The following SAMMSON variants were observed in gnomAD, a reference collection of about 807,000 sequenced individuals.
SAMMSON encodes the protein survival associated mitochondrial melanoma specific oncogenic non-coding RNA, also known as long intergenic non-protein coding RNA 1212.
At chr3:70,344,340 G>A (rs805471) in intron 7 of SAMMSON, among the ~76,000 whole-genome samples, 9,598 of 152,148 alleles carry the variant, frequency 0.063, 395 homozygotes, top group Non-Finnish European at 0.083. Context: ...AACACCAAGA[G>A]GAGTTTGGCT....
intron 9 of SAMMSON, among the ~76,000 whole-genome samples, chr3:70,387,973 T>TG (rs57573443): frequency 0.47 from 71,188 of 151,930 alleles, 17,201 homozygotes; most frequent in East Asian, 0.77. Context: ...AGCCTATTTT[T>TG]TTTGGTTTGT....
At chr3:70,178,314 C>G (rs1035206062) in intron 4 of SAMMSON, among the ~76,000 whole-genome samples, 1 of 152,194 alleles carries the variant, frequency 6.6e-6, no homozygotes, top group Non-Finnish European at 1.5e-5. Flanking sequence ...AGACAGCCCT[C>G]TTCCTGGAAT....
At chr3:70,161,155 A>C (rs934974943) in intron 4 of SAMMSON, among the ~76,000 whole-genome samples, 53 of 151,916 alleles carry the variant, frequency 3.5e-4, no homozygotes, top group Admixed American at 2.0e-4. Context: ...TTTCTTTTGT[A>C]TGCCTTTCAT....
At chr3:70,186,726 C>T (rs1701094886) in intron 4 of SAMMSON, among the ~76,000 whole-genome samples, 1 of 152,140 alleles carries the variant, frequency 6.6e-6, no homozygotes, top group East Asian at 1.9e-4. Context: ...TGATGGGAAA[C>T]AAATATCACT....
intron 9 of SAMMSON, among the ~76,000 whole-genome samples, chr3:70,383,829 A>T (rs569068469): frequency 6.6e-6 from 1 of 152,170 alleles, no homozygotes; most frequent in Admixed American, 6.6e-5. Flanking sequence ...ACTTTGCTAC[A>T]AGTTACAACG....
exon 2 of SAMMSON, chr3:70,012,575 A>G (rs1448033486): frequency 6.6e-6 from 1 of 152,190 alleles, no homozygotes; most frequent in Admixed American, 6.5e-5. Context: ...ACCCACTGTA[A>G]TGTCTGACCT....
intron 6 of SAMMSON, among the ~76,000 whole-genome samples, chr3:70,278,221 G>A (rs948526104): frequency 2.0e-5 from 3 of 151,998 alleles, no homozygotes; most frequent in African/African-American, 4.8e-5. Context: ...TTTGTCCAAC[G>A]TTTTGTCTGA....
intron 4 of SAMMSON, among the ~76,000 whole-genome samples, chr3:70,130,292 G>T (rs2106673566): frequency 6.6e-6 from 1 of 152,300 alleles, no homozygotes; most frequent in South Asian, 2.1e-4. Context: ...TGAGGTGATT[G>T]TGGCGACAAG....
intron 4 of SAMMSON, among the ~76,000 whole-genome samples, chr3:70,140,863 C>G (rs990739713): frequency 6.6e-6 from 1 of 152,100 alleles, no homozygotes; most frequent in African/African-American, 2.4e-5. Flanking sequence ...ATCAGAATAG[C>G]CTTTATTGTC....
At chr3:70,210,212 T>TGTAAGTGG (rs1473359436) in intron 4 of SAMMSON, among the ~76,000 whole-genome samples, 2 of 152,150 alleles carry the variant, frequency 1.3e-5, no homozygotes, top group African/African-American at 4.8e-5. Flanking sequence ...GCATTTTGAA[T>TGTAAGTGG]GTAAGTGGTG....
chr3:70,391,199 A>C (rs908853855), downstream of SAMMSON, among the ~76,000 whole-genome samples: 1 of 152,184 alleles, frequency 6.6e-6, no homozygotes, highest in Non-Finnish European at 1.5e-5. Flanking sequence ...TCTGAAAACT[A>C]GTTTAGAAAA....
intron 3 of SAMMSON, among the ~76,000 whole-genome samples, chr3:70,071,301 G>C (rs1423317763): frequency 6.6e-6 from 1 of 152,066 alleles, no homozygotes; most frequent in African/African-American, 2.4e-5. Context: ...ACACATTAGA[G>C]AGGAAATTGG....
chr3:70,059,463 C>A (rs1212634875), intron 3 of SAMMSON, among the ~76,000 whole-genome samples: 3 of 151,988 alleles, frequency 2.0e-5, no homozygotes, highest in Admixed American at 6.6e-5. Flanking sequence ...TAGCCCAATC[C>A]CCAAAGACAG....
intron 4 of SAMMSON, among the ~76,000 whole-genome samples, chr3:70,092,228 C>CTA (rs1165079477): frequency 6.6e-6 from 1 of 151,768 alleles, no homozygotes. Flanking sequence ...GCTCCTGAAG[C>CTA]TATATATAGT....
Position 70,085,558 on chromosome 3 carries a change from C to T in SAMMSON, n.507+13993C>T, listed in dbSNP as rs542194188. 2.0e-5 allele frequency among the ~76,000 whole-genome samples: 3 copies of T among 152,324 alleles called. No individual in the cohort carries two copies. The East Asian group carries it at 5.8e-4, about 29-fold the overall frequency. ...AGTAAGTCTTCCATTACCAAGTTCA[C>T]ATTAAATTCACTTTTGGGGACCTCT... On this transcript the variant is annotated intron_variant and non_coding_transcript_variant, in intron 4 of 9. Transcript: ENST00000642114.
intron 4 of SAMMSON, among the ~76,000 whole-genome samples, chr3:70,176,111 G>A (rs1027288114): frequency 5.3e-5 from 8 of 152,078 alleles, no homozygotes; most frequent in African/African-American, 1.2e-4. Flanking sequence ...ATATTCACAA[G>A]TGGGATGTAA....
chr3:70,076,059 T>C (rs145804130), intron 4 of SAMMSON, among the ~76,000 whole-genome samples: 76 of 152,190 alleles, frequency 5.0e-4, no homozygotes, highest in African/African-American at 1.8e-3. Flanking sequence ...TTAGAAACAT[T>C]ATTTTGAAAT....
chr3:70,088,661 C>T (rs1271609113), intron 4 of SAMMSON, among the ~76,000 whole-genome samples: 1 of 152,098 alleles, frequency 6.6e-6, no homozygotes, highest in Non-Finnish European at 1.5e-5. Context: ...GTAACTGAGC[C>T]TCAGTTTCCT....
chr3:70,022,426 C>CAAAAAAAAA (rs60455629), intron 3 of SAMMSON, among the ~76,000 whole-genome samples: 18 of 91,118 alleles, frequency 2.0e-4, no homozygotes, highest in Admixed American at 3.6e-4. Context: ...AGTATAATAA[C>CAAAAAAAAA]AAAAAAAAAA....
Sources: allele counts gnomAD v4.1 joint callset (sites outside exome capture counted in the v4.1 genomes callset), GRCh38; gene constraint gnomAD v4.1.1; transcripts MANE v1.5; gene names NCBI Gene and HGNC (gene_info 2026-07-23, HGNC 2026-07-21).